The following FAM50B variants were observed in gnomAD, a reference collection of about 807,000 sequenced individuals.
The protein encoded by FAM50B is protein FAM50B.
Under a neutral mutation model 25.4 loss-of-function variants are expected in FAM50B, and 9 were observed. The ratio of observed to expected loss-of-function variants is 0.35; its 90% CI spans 0.21 to 0.62. The LOEUF (loss-of-function observed/expected upper bound fraction) is 0.62, where lower values mean the gene tolerates loss of function less well. Ranked by LOEUF, FAM50B falls within the 20% of genes least tolerant of loss-of-function variation. FAM50B has a pLI of 0.73. For missense variants in FAM50B, 372 were observed against 477.9 expected (o/e 0.78, Z 2.07); for synonymous variants, 212 against 204.3 (o/e 1.04, Z -0.32).
upstream of FAM50B, among the ~76,000 whole-genome samples, chr6:3,848,984 G>A (rs1453222999): frequency 6.6e-6 from 1 of 152,242 alleles, no homozygotes; most frequent in East Asian, 1.9e-4. Context: ...GGGAGGAGGA[G>A]GGTTGGAGAG....
chr6:3,848,737 A>G (rs1179609297), upstream of FAM50B, among the ~76,000 whole-genome samples: 3 of 152,200 alleles, frequency 2.0e-5, no homozygotes, highest in African/African-American at 7.2e-5. Flanking sequence ...AGAGGCTCAC[A>G]GTAAAGACAC....
chr6:3,844,296 C>A, the FAM50B span, among the ~76,000 whole-genome samples: 1 of 151,940 alleles, frequency 6.6e-6, no homozygotes, highest in African/African-American at 2.4e-5. Context: ...GTCACTAGAA[C>A]AGAATGCTGC....
chr6:3,846,246 C>T (rs1762121068), upstream of FAM50B, among the ~76,000 whole-genome samples: 1 of 152,092 alleles, frequency 6.6e-6, no homozygotes, highest in South Asian at 2.1e-4. Flanking sequence ...AGGCATACCT[C>T]GGAGATACTG....
Position 3,850,095 on chromosome 6 carries a change from A to T in FAM50B, c.284A>T (p.Glu95Val). 6.2e-7 allele frequency: 1 copy of T among 1,610,054 alleles called. No individual in the cohort carries two copies. The highest frequency in any genetic ancestry group is 1.7e-5 in the Admixed American group (1 of 59,636). Residue 95 changes from glutamate to valine, a missense_variant, in exon 2 of 2, where the codon GAG becomes GTG. Physicochemically the swap from Glu to Val is moderately radical, Grantham distance 121 (BLOSUM62 -2). Around this residue, in one of 4 missense-constraint regions of FAM50B, gnomAD observed 224 missense variants for 232.2 expected, o/e 0.96. Transcript: ENST00000648326. ...ERQLAKRQHL[E>V]EQRLQQERQR... ...CAGCTGGCCAAGCGCCAGCACCTGG[A>T]GGAGCAGCGGCTGCAGCAGGAGCGG...
chr6:3,842,018 C>A, the FAM50B span, among the ~76,000 whole-genome samples: 1 of 152,196 alleles, frequency 6.6e-6, no homozygotes, highest in East Asian at 1.9e-4. Context: ...CAGCTGCTGC[C>A]CCAGCAGAAG....
the FAM50B span, chr6:3,833,506 T>A: frequency 1.3e-5 from 2 of 152,268 alleles, no homozygotes; most frequent in East Asian, 3.8e-4. Flanking sequence ...TCCCAGTTTT[T>A]GTTTGGATGG....
chr6:3,845,744 C>A (rs1006650137), upstream of FAM50B, among the ~76,000 whole-genome samples: 6 of 152,012 alleles, frequency 3.9e-5, no homozygotes, highest in African/African-American at 1.4e-4. Context: ...TAGATGAAGT[C>A]TTTCTGGGTC....
At chr6:3,847,267 C>T (rs890536545), upstream of FAM50B, among the ~76,000 whole-genome samples, 2 of 152,232 alleles carry the variant, frequency 1.3e-5, no homozygotes, top group Non-Finnish European at 2.9e-5. Flanking sequence ...CATCTTCTTC[C>T]AATAGAAGGC....
At chr6:3,838,222 G>A in the FAM50B span, among the ~76,000 whole-genome samples, 9 of 152,112 alleles carry the variant, frequency 5.9e-5, no homozygotes, top group African/African-American at 2.2e-4. Context: ...AAGGCAGGAG[G>A]ATTACTTCAG....
chr6:3,836,551 T>C, the FAM50B span, among the ~76,000 whole-genome samples: 10 of 152,202 alleles, frequency 6.6e-5, no homozygotes, highest in East Asian at 1.9e-4. Context: ...AGAACAATTA[T>C]AGATAATCCC....
chr6:3,839,336 C>T, the FAM50B span, among the ~76,000 whole-genome samples: 4 of 152,132 alleles, frequency 2.6e-5, no homozygotes, highest in Non-Finnish European at 5.9e-5. Flanking sequence ...GAACATTCAT[C>T]TATTCGTGAG....
At chr6:3,844,953 T>TGTCTCAA (rs1440927854), upstream of FAM50B, among the ~76,000 whole-genome samples, 4 of 152,296 alleles carry the variant, frequency 2.6e-5, no homozygotes, top group Admixed American at 6.5e-5. Flanking sequence ...ACAAAACCTA[T>TGTCTCAA]TGGAAAAACA....
the FAM50B span, among the ~76,000 whole-genome samples, chr6:3,842,368 T>C: frequency 6.6e-6 from 1 of 152,244 alleles, no homozygotes; most frequent in African/African-American, 2.4e-5. Context: ...ACTGTAATGC[T>C]TTCTACGTGT....
chr6:3,846,003 G>A (rs1762116346), upstream of FAM50B, among the ~76,000 whole-genome samples: 1 of 152,164 alleles, frequency 6.6e-6, no homozygotes, highest in South Asian at 2.1e-4. Context: ...TTACAGGTGT[G>A]AGCCACTGCG....
In FAM50B at chr6:3,849,751, C is replaced by G. The variant is rs1483647937; in HGVS notation, c.-23-38C>G. 8 of 1,515,944 alleles carry G rather than the reference C, an allele frequency of 5.3e-6. No individual in the cohort carries two copies. In the African/African-American group the frequency reaches 5.5e-5, roughly 10 times the overall value. The allele number at this position is 1,515,944 out of a possible 1,614,324, so 93.9% of individuals were successfully genotyped here. A position where few individuals can be genotyped will look rare whatever the true frequency, so the allele number is the denominator to read the frequency against. ...TGAGCATTCCCCGCCGTTGCGTGGGCCCCCCTCTACCTGCCGCGTTTTTCC... is the reference window on the plus strand; with the variant it reads ...TGAGCATTCCCCGCCGTTGCGTGGGGCCCCCTCTACCTGCCGCGTTTTTCC... On this transcript the variant is annotated intron_variant, in intron 1 of 1. Transcript: ENST00000648326.
the FAM50B span, among the ~76,000 whole-genome samples, chr6:3,840,782 G>A: frequency 9.8e-5 from 15 of 152,310 alleles, no homozygotes; most frequent in Non-Finnish European, 2.2e-4. Flanking sequence ...AGATGAGCAT[G>A]ATTTAGACCT....
At position 3,849,917 on chromosome 6, in the gene FAM50B, G is replaced by A. The variant is rs1202594286; in HGVS notation, c.106G>A (p.Ala36Thr). Residue 36 changes from alanine to threonine, a missense_variant, in exon 2 of 2, where the codon GCC becomes ACC. Coordinates refer to ENST00000648326, the MANE Select transcript of FAM50B (RefSeq NM_012135.3). The stretch of plus-strand genomic sequence containing the variant: ...GATGGAGGTGCTGAAGCAGCGCATC[G>A]CCGAGGAGACCATCCTCAAGTCGCA... ...EQMEVLKQRI[A>T]EETILKSQVD... The A allele has an allele frequency of 9.9e-6, 16 of 1,613,506 alleles. No homozygotes were observed. The highest frequency in any genetic ancestry group is 5.3e-5 in the African/African-American group (4 of 74,858).
Position 3,850,817 on chromosome 6 carries a change from G to C in FAM50B, c.*28G>C, listed in dbSNP as rs1317040995. The stretch of plus-strand genomic sequence containing the variant: ...CCCGCCTGCCAGAGCGGAAACCGGG[G>C]GTGGGGGGAGACACTCATTTCTAGG... On this transcript the variant is annotated 3_prime_UTR_variant, in exon 2 of 2. Transcript: ENST00000648326. The C allele has an allele frequency of 5.0e-6, 8 of 1,605,656 alleles. No homozygotes were observed. Among genetic ancestry groups the C allele is most frequent in the African/African-American group, 1.3e-5 (1 of 74,666 alleles).
the FAM50B span, among the ~76,000 whole-genome samples, chr6:3,834,884 CAT>C: frequency 6.6e-6 from 1 of 152,010 alleles, no homozygotes; most frequent in African/African-American, 2.4e-5. Context: ...TTAAAATTAA[CAT>C]ATGCATTAAA....
Sources: allele counts gnomAD v4.1 joint callset (sites outside exome capture counted in the v4.1 genomes callset), GRCh38; gene constraint gnomAD v4.1.1; regional missense constraint gnomAD v4.1.1; transcripts MANE v1.5; gene names NCBI Gene and HGNC (gene_info 2026-07-23, HGNC 2026-07-21).